Variants in CERS3 observed in about 807,000 individuals in gnomAD.
CERS3 encodes the protein LAG1 homolog, ceramide synthase 3.
A neutral mutation model predicts 50.3 loss-of-function variants in CERS3; 33 were observed. The observed-to-expected ratio is 0.66, with a 90% confidence interval of 0.50 to 0.88. CERS3 has a LOEUF of 0.88. Ranked by LOEUF, CERS3 falls within the 40% of genes least tolerant of loss-of-function variation. The probability of loss-of-function intolerance (pLI) is 0.00; values close to 1 mark genes in which losing one functional copy is unlikely to be tolerated. For synonymous variants in CERS3, 176 were observed against 155.2 expected (o/e 1.13, Z -0.99); for missense variants, 470 against 460.3 (o/e 1.02, Z -0.19).
intron 5 of CERS3, among the ~76,000 whole-genome samples, chr15:100,482,082 A>C (rs2035320232): frequency 1.3e-5 from 2 of 152,230 alleles, no homozygotes; most frequent in South Asian, 4.1e-4. Context: ...GGCATTTCCA[A>C]GAGTTTTTCA....
chr15:100,474,058 T>C (rs2035050359), intron 8 of CERS3, among the ~76,000 whole-genome samples: 1 of 152,226 alleles, frequency 6.6e-6, no homozygotes, highest in Non-Finnish European at 1.5e-5. Context: ...ATAATTCCAC[T>C]TATATAAAAT....
At position 100,455,906 on chromosome 15, in the gene CERS3, C is replaced by G. The variant is rs2034352966; in HGVS notation, c.986G>C (p.Cys329Ser). 3.1e-6 allele frequency: 5 copies of G among 1,610,472 alleles called. No individual in the cohort carries two copies. The highest frequency in any genetic ancestry group is 4.2e-6 in the Non-Finnish European group (5 of 1,178,402). The change falls in exon 11 of 12, where the codon TGT becomes TCT. Residue 329 changes from cysteine to serine, a missense_variant. Transcript: ENST00000679737. Reference sequence around the variant, plus strand: ...GACAGCCCTTACCTTCATGAATATACATCTGTTGAGCATCTTCAAGATGTA... The same window carrying G: ...GACAGCCCTTACCTTCATGAATATAGATCTGTTGAGCATCTTCAAGATGTA... ...GYYILKMLNR[C>S]IFMKSIQDVR...
intron 9 of CERS3, among the ~76,000 whole-genome samples, chr15:100,470,815 T>G (rs2034945626): frequency 6.6e-6 from 1 of 152,092 alleles, no homozygotes; most frequent in African/African-American, 2.4e-5. Context: ...GAAGGTCACT[T>G]ACGAGTGAGA....
chr15:100,472,849 A>T (rs2035010732), intron 9 of CERS3, 75 bp downstream of exon 9: 2 of 1,577,804 alleles, frequency 1.3e-6, no homozygotes, highest in Non-Finnish European at 1.7e-6. Context: ...TAAATTGCTC[A>T]CAATTACTTC....
intron 5 of CERS3, among the ~76,000 whole-genome samples, chr15:100,482,594 A>T (rs1451415309): frequency 4.7e-5 from 4 of 85,768 alleles, no homozygotes; most frequent in African/African-American, 7.6e-5. Context: ...CTAATGTGGA[A>T]TTTGATTTTT....
At chr15:100,466,018 T>C (rs1400383585) in intron 10 of CERS3, among the ~76,000 whole-genome samples, 2 of 152,192 alleles carry the variant, frequency 1.3e-5, no homozygotes, top group Admixed American at 6.5e-5. Context: ...ACCCAACTCC[T>C]TGAAGACAGC....
At chr15:100,443,171 T>A (rs4625704) in intron 11 of CERS3, among the ~76,000 whole-genome samples, 444 of 147,472 alleles carry the variant, frequency 3.0e-3, no homozygotes, top group African/African-American at 0.011. Flanking sequence ...TGTATCCCCC[T>A]ACCTTAACCC....
intron 11 of CERS3, among the ~76,000 whole-genome samples, chr15:100,454,126 C>G (rs970382742): frequency 1.3e-5 from 2 of 152,160 alleles, no homozygotes; most frequent in African/African-American, 4.8e-5. Flanking sequence ...CATAGTGCCT[C>G]ACACCTGTAA....
rs544789378 is a variant in CERS3, at chr15:100,409,400, A to G, written c.1000-6535T>C. ...CAGTTTGAAAAACACTGGCTAAGGT[A>G]TGCTAGAAAAATGAGGTTTTTCTAA... On this transcript the variant is annotated intron_variant, in intron 11 of 11. Transcript: ENST00000679737. 3.3e-5 allele frequency among the ~76,000 whole-genome samples: 5 copies of G among 152,072 alleles called. No individual in the cohort carries two copies. The South Asian group carries it at 1.0e-3, about 32-fold the overall frequency.
chr15:100,537,054 C>G (rs1343369907), intron 1 of CERS3, among the ~76,000 whole-genome samples: 2 of 152,242 alleles, frequency 1.3e-5, no homozygotes, highest in Non-Finnish European at 2.9e-5. Context: ...TCCTCCTATT[C>G]TACCACCTAT....
intron 10 of CERS3, among the ~76,000 whole-genome samples, chr15:100,458,005 T>G (rs1242455987): frequency 9.0e-6 from 1 of 111,472 alleles, no homozygotes; most frequent in Admixed American, 8.7e-5. Flanking sequence ...GAGATTACTG[T>G]TTTAAGGTGT....
intron 11 of CERS3, among the ~76,000 whole-genome samples, chr15:100,447,134 G>A (rs2142171384): frequency 6.6e-6 from 1 of 152,294 alleles, no homozygotes; most frequent in East Asian, 1.9e-4. Context: ...TGATCCAGGA[G>A]AGAATGAATT....
chr15:100,473,682 CTAA>C (rs1271869732), intron 8 of CERS3, among the ~76,000 whole-genome samples: 1 of 152,188 alleles, frequency 6.6e-6, no homozygotes, highest in Non-Finnish European at 1.5e-5. Flanking sequence ...AACTGGAACT[CTAA>C]TACAGTGCTG....
At chr15:100,506,408 C>G (rs1453490283) in intron 2 of CERS3, among the ~76,000 whole-genome samples, 1 of 151,766 alleles carries the variant, frequency 6.6e-6, no homozygotes, top group African/African-American at 2.4e-5. Flanking sequence ...CCTTCACACC[C>G]ATAGCTGCCA....
At chr15:100,533,804 T>C (rs2037004558), upstream of CERS3, among the ~76,000 whole-genome samples, 1 of 152,140 alleles carries the variant, frequency 6.6e-6, no homozygotes, top group South Asian at 2.1e-4. Flanking sequence ...GTGATTCACC[T>C]GCCTCGGCCT....
At chr15:100,536,350 T>C (rs572252219) in intron 1 of CERS3, among the ~76,000 whole-genome samples, 1 of 152,312 alleles carries the variant, frequency 6.6e-6, no homozygotes, top group South Asian at 2.1e-4. Context: ...ATCAGTGTGA[T>C]CATGGCTCAC....
chr15:100,440,622 AC>A (rs1210142426), intron 11 of CERS3, among the ~76,000 whole-genome samples: 1 of 152,212 alleles, frequency 6.6e-6, no homozygotes, highest in African/African-American at 2.4e-5. Flanking sequence ...TGGTGCTGTG[AC>A]TGGAGGGGGG....
intron 2 of CERS3, among the ~76,000 whole-genome samples, chr15:100,505,615 C>G (rs2036152989): frequency 1.3e-5 from 2 of 152,182 alleles, no homozygotes; most frequent in African/African-American, 4.8e-5. Context: ...AAACAAAGCA[C>G]AGATCTAAAT....
chr15:100,449,979 C>A (rs2034094218), intron 11 of CERS3, among the ~76,000 whole-genome samples: 2 of 151,598 alleles, frequency 1.3e-5, no homozygotes, highest in Admixed American at 1.3e-4. Flanking sequence ...CACAGATAAA[C>A]AATACAAGGA....
Sources: allele counts gnomAD v4.1 joint callset (sites outside exome capture counted in the v4.1 genomes callset), GRCh38; gene constraint gnomAD v4.1.1; transcripts MANE v1.5; gene names NCBI Gene and HGNC (gene_info 2026-07-23, HGNC 2026-07-21).